The following NRG3 variants were observed in gnomAD, a reference collection of about 807,000 sequenced individuals.
NRG3 encodes pro-neuregulin-3, membrane-bound isoform.
Under a neutral mutation model 66.9 loss-of-function variants are expected in NRG3, and 31 were observed. That is an observed-to-expected ratio of 0.46 (90% CI 0.35 to 0.63). The LOEUF (loss-of-function observed/expected upper bound fraction) is 0.63, where lower values mean the gene tolerates loss of function less well. Ranked by LOEUF, NRG3 falls within the 20% of genes least tolerant of loss-of-function variation. NRG3 has a pLI of 0.00. For synonymous variants in NRG3, 393 were observed against 359.4 expected (o/e 1.09, Z -1.06); for missense variants, 910 against 878.9 (o/e 1.04, Z -0.45).
intron 2 of NRG3, among the ~76,000 whole-genome samples, chr10:82,734,319 A>G (rs967539764): frequency 3.3e-5 from 5 of 152,048 alleles, no homozygotes; most frequent in African/African-American, 1.2e-4. Context: ...GAAAAGCTCC[A>G]AGGATGTCAA....
intron 3 of NRG3, among the ~76,000 whole-genome samples, chr10:82,742,397 T>C (rs1403433748): frequency 6.6e-6 from 1 of 152,114 alleles, no homozygotes; most frequent in Non-Finnish European, 1.5e-5. Context: ...TGCTCTCTTT[T>C]AAATCCCAAG....
At chr10:82,539,607 C>T (rs2043388782) in intron 2 of NRG3, among the ~76,000 whole-genome samples, 2 of 151,844 alleles carry the variant, frequency 1.3e-5, no homozygotes, top group Non-Finnish European at 2.9e-5. Flanking sequence ...AACCAGCTCC[C>T]ATCTTGACTG....
intron 1 of NRG3, among the ~76,000 whole-genome samples, chr10:81,928,288 T>C (rs1847007350): frequency 6.6e-6 from 1 of 152,166 alleles, no homozygotes; most frequent in Non-Finnish European, 1.5e-5. Context: ...TTTACCAGAA[T>C]ATCCAGAGCC....
chr10:82,706,256 C>G (rs1281680578), intron 2 of NRG3, among the ~76,000 whole-genome samples: 2 of 152,106 alleles, frequency 1.3e-5, no homozygotes, highest in Admixed American at 6.5e-5. Context: ...CATACCTCCC[C>G]AAAATGACAT....
intron 1 of NRG3, among the ~76,000 whole-genome samples, chr10:82,299,686 C>G (rs1413591006): frequency 6.6e-6 from 1 of 151,960 alleles, no homozygotes; most frequent in Non-Finnish European, 1.5e-5. Flanking sequence ...GTAGTTGTAA[C>G]TGACACCCTG....
At chr10:81,877,216 T>G (rs1841746570) in intron 1 of NRG3, among the ~76,000 whole-genome samples, 2 of 152,194 alleles carry the variant, frequency 1.3e-5, no homozygotes, top group African/African-American at 4.8e-5. Flanking sequence ...GGTGACTAAT[T>G]GACCTCCCAC....
intron 1 of NRG3, among the ~76,000 whole-genome samples, chr10:81,891,742 G>A (rs1487208350): frequency 6.6e-6 from 1 of 152,194 alleles, no homozygotes; most frequent in Non-Finnish European, 1.5e-5. Context: ...GTTTGGGAAT[G>A]CAGGCTCAGC....
intron 1 of NRG3, among the ~76,000 whole-genome samples, chr10:81,986,295 A>G (rs1046378061): frequency 6.6e-6 from 1 of 152,174 alleles, no homozygotes; most frequent in Admixed American, 6.5e-5. Context: ...CTTAAAATTA[A>G]CTGATATATT....
intron 2 of NRG3, among the ~76,000 whole-genome samples, chr10:82,510,504 C>A (rs559918333): frequency 6.6e-6 from 1 of 152,280 alleles, no homozygotes; most frequent in African/African-American, 2.4e-5. Flanking sequence ...ATGATATTCC[C>A]AGATGGTACT....
chr10:82,214,259 C>A (rs1044905325), intron 1 of NRG3, among the ~76,000 whole-genome samples: 2 of 152,020 alleles, frequency 1.3e-5, no homozygotes, highest in Admixed American at 6.6e-5. Flanking sequence ...ACCAAGCCTC[C>A]CCTGAAAGCT....
At chr10:82,638,250 T>TC (rs1471461879) in intron 2 of NRG3, among the ~76,000 whole-genome samples, 1 of 152,220 alleles carries the variant, frequency 6.6e-6, no homozygotes, top group African/African-American at 2.4e-5. Context: ...CCGATTTCCA[T>TC]GCCATGTTCA....
At chr10:82,412,285 G>A (rs1282238484) in intron 2 of NRG3, among the ~76,000 whole-genome samples, 3 of 152,104 alleles carry the variant, frequency 2.0e-5, no homozygotes, top group Admixed American at 2.0e-4. Context: ...GTTTCCAGAG[G>A]TTTGAGACCA....
chr10:82,076,918 A>G (rs1182271059), intron 1 of NRG3, among the ~76,000 whole-genome samples: 1 of 152,220 alleles, frequency 6.6e-6, no homozygotes, highest in Non-Finnish European at 1.5e-5. Context: ...CTCCAGGATG[A>G]CTGGCCTATG....
At chr10:82,838,714 T>G (rs2062901677) in intron 3 of NRG3, among the ~76,000 whole-genome samples, 1 of 152,134 alleles carries the variant, frequency 6.6e-6, no homozygotes, top group Admixed American at 6.6e-5. Context: ...TAGTTCTGTT[T>G]TAATTATATA....
At chr10:82,082,116 C>T (rs2065429993) in intron 1 of NRG3, among the ~76,000 whole-genome samples, 1 of 152,142 alleles carries the variant, frequency 6.6e-6, no homozygotes, top group African/African-American at 2.4e-5. Context: ...GTTGTGTCAT[C>T]CATTTAAAAT....
At chr10:82,869,500 A>G (rs1310705383) in intron 4 of NRG3, among the ~76,000 whole-genome samples, 1 of 152,072 alleles carries the variant, frequency 6.6e-6, no homozygotes, top group African/African-American at 2.4e-5. Flanking sequence ...GAGTAGGTTT[A>G]CTGCCCTAAA....
chr10:82,243,198 G>C (rs992640907), intron 1 of NRG3, among the ~76,000 whole-genome samples: 1 of 152,078 alleles, frequency 6.6e-6, no homozygotes, highest in African/African-American at 2.4e-5. Context: ...AATCAAACCA[G>C]AAGTAAAAAT....
intron 2 of NRG3, among the ~76,000 whole-genome samples, chr10:82,549,594 C>G (rs2044168141): frequency 6.6e-6 from 1 of 152,124 alleles, no homozygotes; most frequent in African/African-American, 2.4e-5. Context: ...TCTAAAATAG[C>G]TATTATCACT....
At chr10:82,338,544 A>G (rs1419858265) in intron 1 of NRG3, among the ~76,000 whole-genome samples, 1 of 152,218 alleles carries the variant, frequency 6.6e-6, no homozygotes, top group East Asian at 1.9e-4. Flanking sequence ...CCAGGAATCA[A>G]TACAGTACTC....
Sources: allele counts gnomAD v4.1 joint callset (sites outside exome capture counted in the v4.1 genomes callset), GRCh38; gene constraint gnomAD v4.1.1; transcripts MANE v1.5; gene names NCBI Gene and HGNC (gene_info 2026-07-23, HGNC 2026-07-21).